CAST: variants seen among roughly 807,000 people sequenced by gnomAD.
CAST encodes the protein MIR583 host.
A neutral mutation model predicts 119.6 loss-of-function variants in CAST; 76 were observed. That is an observed-to-expected ratio of 0.64 (90% confidence interval 0.53 to 0.77). The LOEUF is 0.77. CAST is among the 30% of genes least tolerant of loss of function. CAST has a pLI of 0.00. For missense variants in CAST, 953 were observed against 946.5 expected (o/e 1.01, Z -0.09); for synonymous variants, 319 against 331.6 (o/e 0.96, Z 0.41).
At chr5:96,696,444 G>A (rs74558202) in intron 3 of CAST, 1 of 152,096 alleles carries the variant, frequency 6.6e-6, no homozygotes, top group Non-Finnish European at 1.5e-5. Context: ...AGAGGTCTTT[G>A]ACAATGCTGG....
chr5:96,432,258 C>G, the CAST span: 1 of 782,828 alleles, frequency 1.3e-6, no homozygotes, highest in South Asian at 1.8e-5. Flanking sequence ...TTTCACCCAC[C>G]ATTTCTCCCC....
intron 3 of CAST, among the ~76,000 whole-genome samples, chr5:96,722,414 T>G (rs1251886868): frequency 6.7e-6 from 1 of 149,656 alleles, no homozygotes; most frequent in African/African-American, 2.4e-5. Flanking sequence ...TTTAAGTATC[T>G]TACCCGAGAT....
the CAST span, among the ~76,000 whole-genome samples, chr5:96,411,818 A>G: frequency 6.6e-6 from 1 of 152,176 alleles, no homozygotes; most frequent in Non-Finnish European, 1.5e-5. Flanking sequence ...ATTTATTTAT[A>G]TTTAGTTTTG....
At chr5:96,546,352 G>C (rs1006837944) in intron 1 of CAST, 1 of 152,022 alleles carries the variant, frequency 6.6e-6, no homozygotes, top group African/African-American at 2.4e-5. Flanking sequence ...GCCCAAGCCT[G>C]GTCTTTTATA....
In CAST at chr5:96,773,175, C is replaced by T. The variant is rs1363266975; in HGVS notation, c.*559C>T. On this transcript the variant is annotated 3_prime_UTR_variant, in exon 32 of 32. Transcript: ENST00000675179. ...GATATTGTACATTGGGCACATATCTCCTCTTGGGCTGCTAATAATAAATTA... is the reference window on the plus strand; with the variant it reads ...GATATTGTACATTGGGCACATATCTTCTCTTGGGCTGCTAATAATAAATTA... The T allele has an allele frequency of 2.6e-5, 4 of 153,766 alleles. No individual in the cohort carries two copies. The Admixed American group carries it at 2.6e-4, about 10-fold the overall frequency. 9.5% of individuals were successfully genotyped at this position (153,766 alleles called of 1,614,324 possible).
chr5:96,067,259 C>T, the CAST span, among the ~76,000 whole-genome samples: 1 of 152,070 alleles, frequency 6.6e-6, no homozygotes, highest in Non-Finnish European at 1.5e-5. Flanking sequence ...TTTTTATTTT[C>T]CTTTTACAAT....
At chr5:96,078,175 A>G in the CAST span, among the ~76,000 whole-genome samples, 1 of 152,136 alleles carries the variant, frequency 6.6e-6, no homozygotes, top group African/African-American at 2.4e-5. Context: ...CCCGACCCTC[A>G]TGTCCTTATC....
At chr5:96,357,487 T>C in the CAST span, among the ~76,000 whole-genome samples, 2 of 152,204 alleles carry the variant, frequency 1.3e-5, no homozygotes, top group African/African-American at 4.8e-5. Context: ...ATAGCTCTTA[T>C]TATTTTGAGA....
chr5:96,524,676 G>C (rs116137267), upstream of CAST, among the ~76,000 whole-genome samples: 1,006 of 152,274 alleles, frequency 6.6e-3, 10 homozygotes, highest in African/African-American at 0.023. Flanking sequence ...AGAGCACCCT[G>C]CCCCTATATT....
chr5:96,762,791 G>A (rs112514884), intron 25 of CAST: 95 of 252,820 alleles, frequency 3.8e-4, no homozygotes, highest in African/African-American at 2.1e-3. Context: ...GAATCGTCAT[G>A]TTTGAGCTTT....
chr5:96,710,773 A>G (rs1232496302), intron 3 of CAST, among the ~76,000 whole-genome samples: 1 of 152,118 alleles, frequency 6.6e-6, no homozygotes, highest in Non-Finnish European at 1.5e-5. Context: ...AAAACTAAAT[A>G]TCTTCCACAT....
At chr5:96,203,287 A>T in the CAST span, among the ~76,000 whole-genome samples, 1 of 151,726 alleles carries the variant, frequency 6.6e-6, no homozygotes, top group South Asian at 2.1e-4. Flanking sequence ...TCTTTTCATT[A>T]TTATGGTGTA....
At chr5:96,594,845 C>T (rs1261764375) in intron 1 of CAST, among the ~76,000 whole-genome samples, 4 of 151,918 alleles carry the variant, frequency 2.6e-5, no homozygotes, top group African/African-American at 9.7e-5. Flanking sequence ...TCTTATTATT[C>T]CTGGTGTTTA....
the CAST span, among the ~76,000 whole-genome samples, chr5:96,040,925 G>A: frequency 1.3e-5 from 2 of 151,974 alleles, no homozygotes; most frequent in Admixed American, 6.6e-5. Context: ...TCTATTGATC[G>A]GAATAGTCTC....
At chr5:96,423,385 C>G in the CAST span, 68 of 1,613,852 alleles carry the variant, frequency 4.2e-5, no homozygotes, top group Non-Finnish European at 5.7e-5. Context: ...CTCCTTTGCC[C>G]GTAATGCCTT....
At chr5:96,158,465 G>A in the CAST span, among the ~76,000 whole-genome samples, 5 of 152,054 alleles carry the variant, frequency 3.3e-5, no homozygotes, top group Non-Finnish European at 7.4e-5. Flanking sequence ...CAGAACCAGA[G>A]TTTTTTACTC....
At chr5:96,462,398 T>C in the CAST span, among the ~76,000 whole-genome samples, 1 of 152,148 alleles carries the variant, frequency 6.6e-6, no homozygotes, top group African/African-American at 2.4e-5. Flanking sequence ...GGTTATCATT[T>C]ACTTAAATAG....
At chr5:96,329,914 A>G in the CAST span, among the ~76,000 whole-genome samples, 1 of 152,252 alleles carries the variant, frequency 6.6e-6, no homozygotes. Flanking sequence ...TTCTGTAAGA[A>G]GCATAACTCT....
chr5:96,434,751 T>A, the CAST span, among the ~76,000 whole-genome samples: 1 of 152,168 alleles, frequency 6.6e-6, no homozygotes, highest in Non-Finnish European at 1.5e-5. Flanking sequence ...AGATGTTCCT[T>A]ACAAGAAGCA....
Sources: allele counts gnomAD v4.1 joint callset (sites outside exome capture counted in the v4.1 genomes callset), GRCh38; gene constraint gnomAD v4.1.1; transcripts MANE v1.5; gene names NCBI Gene and HGNC (gene_info 2026-07-23, HGNC 2026-07-21).